The following NT5E variants were observed in gnomAD, a reference collection of about 807,000 sequenced individuals.
NT5E encodes the protein 5'-nucleotidase.
Under a neutral mutation model 55.1 loss-of-function variants are expected in NT5E, and 53 were observed. The ratio of observed to expected loss-of-function variants is 0.96; its 90% CI spans 0.77 to 1.21. The LOEUF is 1.21. Among genes scored for constraint, NT5E ranks in the 50% most tolerant of loss-of-function variants. The pLI, the probability that NT5E is intolerant of heterozygous loss-of-function variation, is 0.00. For synonymous variants in NT5E, 270 were observed against 278.4 expected (o/e 0.97, Z 0.30); for missense variants, 683 against 724.3 (o/e 0.94, Z 0.65).
Position 85,467,059 on chromosome 6 carries a change from G to A in NT5E, c.340-1G>A. ...CTTTTTCTCTTTTCTGTTTTATCTA[G>A]GCACTGGGAAATCATGAATTTGATA... On this transcript the variant is annotated splice_acceptor_variant, in intron 1 of 8. Coordinates refer to ENST00000257770, the MANE Select transcript of NT5E (RefSeq NM_002526.4). LOFTEE classifies it high-confidence loss of function. 1.2e-6 allele frequency: 2 copies of A among 1,613,434 alleles called. No homozygotes were observed. The highest frequency in any genetic ancestry group is 1.1e-5 in the South Asian group (1 of 91,056).
chr6:85,456,380 A>G (rs993367053), intron 1 of NT5E, among the ~76,000 whole-genome samples: 4 of 152,152 alleles, frequency 2.6e-5, no homozygotes, highest in Non-Finnish European at 5.9e-5. Flanking sequence ...GGTCATGGGA[A>G]CCTCCAATTT....
intron 1 of NT5E, among the ~76,000 whole-genome samples, chr6:85,458,168 A>AT (rs1769023452): frequency 6.6e-6 from 1 of 152,230 alleles, no homozygotes; most frequent in Admixed American, 6.5e-5. Flanking sequence ...GGAAAGAAAA[A>AT]TTAGCAATAC....
chr6:85,463,246 T>C (rs975304108), intron 1 of NT5E, among the ~76,000 whole-genome samples: 6 of 152,170 alleles, frequency 3.9e-5, no homozygotes, highest in Non-Finnish European at 5.9e-5. Context: ...GTGCATTTGG[T>C]GAAGTTTAGT....
In NT5E at chr6:85,467,065, G is replaced by A. The variant is rs1275783809; in HGVS notation, c.345G>A (p.Leu115=). 2 of 1,613,712 alleles carry A rather than the reference G, an allele frequency of 1.2e-6. No individual in the cohort carries two copies. The highest frequency in any genetic ancestry group is 1.3e-5 in the African/African-American group (1 of 74,912). The change falls in exon 2 of 9, where the codon CTG becomes CTA. Residue 115 remains leucine (L), a synonymous_variant. Coordinates refer to ENST00000257770, the MANE Select transcript of NT5E (RefSeq NM_002526.4). The part of the protein sequence containing the change: ...MNALRYDAMA[L]GNHEFDNGVE... ...CTCTTTTCTGTTTTATCTAGGCACT[G>A]GGAAATCATGAATTTGATAATGGTG...
At chr6:85,471,883 C>T (rs967576495) in intron 3 of NT5E, among the ~76,000 whole-genome samples, 71 of 152,060 alleles carry the variant, frequency 4.7e-4, no homozygotes, top group Admixed American at 1.5e-3. Context: ...GGCTGGACCT[C>T]GAGTGTGAGT....
intron 3 of NT5E, among the ~76,000 whole-genome samples, chr6:85,475,516 A>G (rs1335104157): frequency 6.6e-6 from 1 of 152,244 alleles, no homozygotes; most frequent in Non-Finnish European, 1.5e-5. Context: ...ACAAAATGAT[A>G]AAGTTACAAA....
rs1480641528 is a variant in NT5E, at chr6:85,494,838, C to G, written c.*834C>G. 1 of 152,212 alleles carries G rather than the reference C, an allele frequency of 6.6e-6. No individual in the cohort carries two copies. Among genetic ancestry groups the G allele is most frequent in the African/African-American group, 2.4e-5 (1 of 41,442 alleles). 9.4% of individuals were successfully genotyped at this position (152,212 alleles called of 1,614,324 possible). ...AGAAAGGAAGGGGAAGAACAGGACT[C>G]CAGGACTGTTTTATATTATAGAAAA... On this transcript the variant is annotated 3_prime_UTR_variant, in exon 9 of 9. Transcript: ENST00000257770.
chr6:85,455,687 C>T lies in NT5E; in HGVS notation c.339+5209C>T, dbSNP rs563622971. The stretch of plus-strand genomic sequence containing the variant: ...TATAGCCATTCAGCCAGAAGCACAA[C>T]CTCAGGCTTGTGATCAGCCTGAAGT... On this transcript the variant is annotated intron_variant, in intron 1 of 8. Transcript: ENST00000257770. Among the ~76,000 whole-genome samples, 192 of 152,354 alleles carry T rather than the reference C, an allele frequency of 1.3e-3. 1 individual carries two copies. The highest frequency in any genetic ancestry group is 4.3e-3 in the African/African-American group (179 of 41,576).
At chr6:85,455,574 G>A (rs986052285) in intron 1 of NT5E, among the ~76,000 whole-genome samples, 1 of 152,172 alleles carries the variant, frequency 6.6e-6, no homozygotes, top group Admixed American at 6.5e-5. Context: ...CCTTTGTATA[G>A]CCTTTATAAT....
chr6:85,452,365 G>T (rs1768900889), intron 1 of NT5E, among the ~76,000 whole-genome samples: 1 of 152,130 alleles, frequency 6.6e-6, no homozygotes, highest in South Asian at 2.1e-4. Flanking sequence ...TGTAAGTCTA[G>T]TTGAGCTCCT....
At chr6:85,482,902 A>G (rs9362223) in intron 3 of NT5E, among the ~76,000 whole-genome samples, 20,847 of 152,216 alleles carry the variant, frequency 0.14, 1,712 homozygotes, top group African/African-American at 0.23. Flanking sequence ...TGGAGGAGGC[A>G]GAGATTAGCC....
intron 1 of NT5E, among the ~76,000 whole-genome samples, chr6:85,451,703 G>T (rs115044254): frequency 8.7e-4 from 133 of 152,274 alleles, no homozygotes; most frequent in African/African-American, 3.0e-3. Flanking sequence ...GTGTGATTAG[G>T]CTGGGATACA....
chr6:85,486,621 C>A (rs942494847), intron 4 of NT5E, among the ~76,000 whole-genome samples: 2 of 152,156 alleles, frequency 1.3e-5, no homozygotes, highest in East Asian at 3.9e-4. Flanking sequence ...CATTTGTAGG[C>A]TCTCTGCAGG....
Position 85,488,334 on chromosome 6 carries a change from A to G in NT5E, c.1104+845A>G, listed in dbSNP as rs1178881232. Among the ~76,000 whole-genome samples the G allele has an allele frequency of 2.6e-5, 4 of 152,184 alleles. No homozygotes were observed. The East Asian group carries it at 7.7e-4, about 29-fold the overall frequency. ...TGCATTGCCCAGTGCCCAGGATACA[A>G]CTGCACTCGATAAATGTTTGCCGTG... On this transcript the variant is annotated intron_variant, in intron 5 of 8. Coordinates refer to ENST00000257770, the MANE Select transcript of NT5E (RefSeq NM_002526.4).
At chr6:85,476,067 G>A (rs781054036) in intron 3 of NT5E, among the ~76,000 whole-genome samples, 2 of 152,038 alleles carry the variant, frequency 1.3e-5, no homozygotes, top group African/African-American at 2.4e-5. Flanking sequence ...AATGTCCCAC[G>A]TCACTGAGAA....
At chr6:85,489,651 CT>C in intron 6 of NT5E, 52 bp downstream of exon 6, 2 of 1,333,334 alleles carry the variant, frequency 1.5e-6, no homozygotes, top group Non-Finnish European at 2.1e-6. Flanking sequence ...CTCTGATCTC[CT>C]TTTCTGTTAT....
rs1769796270 is a variant in NT5E at position 85,492,044 on chromosome 6, C to G, written c.1428C>G (p.Cys476Trp). ...GAGTAGTCAAATTAGATGTTCTTTG[C>G]ACCAAGTGTCGAGTGCCCAGTTATG... ...GDRVVKLDVL[C>W]TKCRVPSYDP... Residue 476 changes from cysteine to tryptophan, a missense_variant, in exon 8 of 9, where the codon TGC becomes TGG. Coordinates refer to ENST00000257770, the MANE Select transcript of NT5E (RefSeq NM_002526.4). 2.5e-6 allele frequency: 4 copies of G among 1,614,072 alleles called. No homozygotes were observed. The African/African-American group carries it at 5.3e-5, about 22-fold the overall frequency.
intron 1 of NT5E, among the ~76,000 whole-genome samples, chr6:85,464,690 A>G (rs1769156998): frequency 6.6e-6 from 1 of 152,194 alleles, no homozygotes; most frequent in Non-Finnish European, 1.5e-5. Context: ...CAGCAATATA[A>G]AGAATAGTTT....
chr6:85,476,233 C>T (rs1437263979), intron 3 of NT5E, among the ~76,000 whole-genome samples: 3 of 152,240 alleles, frequency 2.0e-5, no homozygotes, highest in South Asian at 2.1e-4. Context: ...AGCAACTTCA[C>T]TTCTGGGGCC....
Sources: gnomAD v4.1 joint callset for allele counts (sites outside exome capture counted in the v4.1 genomes callset) on GRCh38, gnomAD v4.1.1 for gene constraint, MANE v1.5 for transcripts, NCBI Gene and HGNC (gene_info 2026-07-23, HGNC 2026-07-21) for gene names.